Variants in SLC6A11 observed in about 807,000 individuals in gnomAD.
SLC6A11 encodes sodium- and chloride-dependent GABA transporter 3.
Under a neutral mutation model 74.8 loss-of-function variants are expected in SLC6A11, and 25 were observed. That is an observed-to-expected ratio of 0.33 (90% CI 0.24 to 0.47). SLC6A11 has a LOEUF of 0.47. Among genes scored for constraint, SLC6A11 ranks in the 20% least tolerant of loss-of-function variants. SLC6A11 has a pLI of 1.00. For missense variants in SLC6A11, 574 were observed against 837.0 expected, an observed-to-expected ratio of 0.69 and a Z score of 3.88; for synonymous variants, 330 against 330.2, an observed-to-expected ratio of 1.00 and a Z score of 0.01.
chr3:10,938,832 A>G lies in SLC6A11; in HGVS notation c.*430A>G, dbSNP rs1695790004. 1 of 153,056 alleles carries G rather than the reference A, an allele frequency of 6.5e-6. No homozygotes were observed. The highest frequency in any genetic ancestry group is 1.5e-5 in the Non-Finnish European group (1 of 68,732). 9.5% of individuals were successfully genotyped at this position (153,056 alleles called of 1,614,324 possible). A position where few individuals can be genotyped will look rare whatever the true frequency, so the allele number is the denominator to read the frequency against. ...GACCATCCACAGCCGCCCCTCCTCCATACCCCAGGGATAATTTTTCCTTCA... is the reference window on the plus strand; with the variant it reads ...GACCATCCACAGCCGCCCCTCCTCCGTACCCCAGGGATAATTTTTCCTTCA... On this transcript the variant is annotated 3_prime_UTR_variant, in exon 14 of 14. Transcript: ENST00000254488.
At chr3:10,893,919 C>T (rs1454539045) in intron 6 of SLC6A11, among the ~76,000 whole-genome samples, 3 of 152,152 alleles carry the variant, frequency 2.0e-5, no homozygotes, top group Admixed American at 1.3e-4. Context: ...TTTATTTTTA[C>T]CTGATCATTC....
intron 4 of SLC6A11, among the ~76,000 whole-genome samples, chr3:10,833,675 T>G (rs1005478762): frequency 4.6e-5 from 7 of 152,198 alleles, no homozygotes; most frequent in Admixed American, 3.9e-4. Context: ...TTGTTAGTCT[T>G]GGGCTTGTTG....
intron 6 of SLC6A11, among the ~76,000 whole-genome samples, chr3:10,910,981 C>G (rs113047103): frequency 2.0e-4 from 30 of 152,060 alleles, no homozygotes; most frequent in African/African-American, 7.2e-4. Flanking sequence ...GCCACCACAC[C>G]TGGCTAATTT....
At chr3:10,830,034 G>A (rs973740101) in intron 4 of SLC6A11, among the ~76,000 whole-genome samples, 1 of 152,040 alleles carries the variant, frequency 6.6e-6, no homozygotes, top group African/African-American at 2.4e-5. Flanking sequence ...GAAGCACACA[G>A]CCCAGCAGGG....
At chr3:10,879,364 T>G (rs1694947954) in intron 6 of SLC6A11, among the ~76,000 whole-genome samples, 1 of 152,152 alleles carries the variant, frequency 6.6e-6, no homozygotes, top group East Asian at 1.9e-4. Flanking sequence ...TTGGTGTGTT[T>G]TGGCAGCTGG....
intron 10 of SLC6A11, among the ~76,000 whole-genome samples, chr3:10,932,155 T>C (rs1268298053): frequency 6.6e-6 from 1 of 152,166 alleles, no homozygotes; most frequent in Non-Finnish European, 1.5e-5. Flanking sequence ...GCTGGTGTCC[T>C]CTCTCCTCCC....
chr3:10,873,956 T>TACGCTAC (rs1694875134), intron 5 of SLC6A11, among the ~76,000 whole-genome samples: 3 of 143,524 alleles, frequency 2.1e-5, no homozygotes, highest in South Asian at 2.4e-4. Flanking sequence ...TCCTATGCTA[T>TACGCTAC]GCTACGCTAT....
intron 5 of SLC6A11, among the ~76,000 whole-genome samples, chr3:10,855,714 C>T (rs1345315291): frequency 6.6e-6 from 1 of 152,154 alleles, no homozygotes; most frequent in Non-Finnish European, 1.5e-5. Flanking sequence ...TACAAAATCT[C>T]CCTGTGGTAA....
chr3:10,847,721 G>A (rs1301321597), intron 5 of SLC6A11, among the ~76,000 whole-genome samples: 1 of 152,196 alleles, frequency 6.6e-6, no homozygotes, highest in Non-Finnish European at 1.5e-5. Context: ...CCCGAAGTCC[G>A]TGGATTGATA....
rs143086604 is a variant in SLC6A11 at position 10,918,359 on chromosome 3, C to T, written c.1026C>T (p.Ser342=). The T allele has an allele frequency of 3.2e-5, 52 of 1,608,390 alleles. No individual in the cohort carries two copies. Among genetic ancestry groups the T allele is most frequent in the African/African-American group, 1.2e-4 (9 of 74,532 alleles). ...GCATCATGCTCTGTTGCCTGAACAG[C>T]GGCACCAGCTTCGTGGCTGGGTTTG... ...RDCIMLCCLN[S]GTSFVAGFAI... Residue 342 remains serine, a synonymous_variant, in exon 8 of 14, where the codon AGC becomes AGT. Transcript: ENST00000254488. This position sits in a 1 kb window ranked among gnomAD's most constrained non-coding sequence, Gnocchi z 4.5.
chr3:10,896,685 T>C (rs1207561792), intron 6 of SLC6A11, among the ~76,000 whole-genome samples: 1 of 152,230 alleles, frequency 6.6e-6, no homozygotes, highest in Admixed American at 6.5e-5. Flanking sequence ...TGCTCGACTT[T>C]CTTTTTCCTC....
intron 6 of SLC6A11, among the ~76,000 whole-genome samples, chr3:10,886,923 G>T (rs1695049754): frequency 6.6e-6 from 1 of 152,084 alleles, no homozygotes. Flanking sequence ...TTGTTGATGT[G>T]TTCATTGTTA....
chr3:10,853,327 G>A (rs1168783622), intron 5 of SLC6A11, among the ~76,000 whole-genome samples: 1 of 152,218 alleles, frequency 6.6e-6, no homozygotes, highest in Non-Finnish European at 1.5e-5. Flanking sequence ...GCCTGGGACT[G>A]GATGGCTAAG....
At chr3:10,835,496 G>A (rs1694355422) in intron 4 of SLC6A11, among the ~76,000 whole-genome samples, 1 of 152,166 alleles carries the variant, frequency 6.6e-6, no homozygotes, top group Non-Finnish European at 1.5e-5. Flanking sequence ...TCCCGGTGAG[G>A]CCTAAGTTTT....
chr3:10,833,092 G>A (rs1290013950), intron 4 of SLC6A11, among the ~76,000 whole-genome samples: 2 of 151,948 alleles, frequency 1.3e-5, no homozygotes, highest in Non-Finnish European at 2.9e-5. Flanking sequence ...ACAGAGTTTC[G>A]CTCTTGTCGC....
intron 7 of SLC6A11, among the ~76,000 whole-genome samples, chr3:10,917,158 G>T (rs1207171772): frequency 6.6e-6 from 1 of 152,116 alleles, no homozygotes; most frequent in African/African-American, 2.4e-5. Context: ...AAAACTCAAG[G>T]GGCTATAGGG....
intron 6 of SLC6A11, among the ~76,000 whole-genome samples, chr3:10,911,473 G>A (rs13059801): frequency 4.6e-5 from 7 of 152,156 alleles, no homozygotes; most frequent in South Asian, 2.1e-4. Context: ...AGCCTAGAGG[G>A]GGGGAGTCTG....
chr3:10,886,729 C>T (rs71316439), intron 6 of SLC6A11, among the ~76,000 whole-genome samples: 318 of 151,752 alleles, frequency 2.1e-3, no homozygotes, highest in Admixed American at 3.3e-3. Flanking sequence ...ATTGCTTAAA[C>T]CAGGGAGGTG....
chr3:10,874,515 A>G (rs1694884431), intron 5 of SLC6A11, among the ~76,000 whole-genome samples: 1 of 152,044 alleles, frequency 6.6e-6, no homozygotes, highest in Admixed American at 6.5e-5. Context: ...AATTTTATTT[A>G]TTGTGGTAAG....
Sources: gnomAD v4.1 joint callset for allele counts (sites outside exome capture counted in the v4.1 genomes callset) on GRCh38, gnomAD v4.1.1 for gene constraint, Gnocchi (gnomAD v3.1) non-coding constraint, MANE v1.5 for transcripts, NCBI Gene and HGNC (gene_info 2026-07-23, HGNC 2026-07-21) for gene names.